The following RNF157 variants were observed in gnomAD, a reference collection of about 807,000 sequenced individuals.
RNF157 encodes the protein E3 ubiquitin ligase RNF157.
RNF157 carries 55 observed loss-of-function variants against 88.3 expected under a neutral mutation model. The ratio of observed to expected loss-of-function variants is 0.62; its 90% CI spans 0.50 to 0.78. RNF157 has a LOEUF of 0.78. Among genes scored for constraint, RNF157 ranks in the 30% least tolerant of loss-of-function variants. The probability of loss-of-function intolerance (pLI) is 0.00; values close to 1 mark genes in which losing one functional copy is unlikely to be tolerated. For synonymous variants in RNF157, 334 were observed against 341.2 expected (o/e 0.98, Z 0.23); for missense variants, 788 against 860.8 (o/e 0.92, Z 1.06).
intron 18 of RNF157, among the ~76,000 whole-genome samples, chr17:76,149,016 C>T (rs1043418070): frequency 6.6e-6 from 1 of 152,204 alleles, no homozygotes; most frequent in African/African-American, 2.4e-5. Flanking sequence ...TCTAGTCTTA[C>T]TACAACCTGT....
chr17:76,182,829 CTATATATGA>C (rs1568045582), intron 2 of RNF157, among the ~76,000 whole-genome samples: 8 of 107,266 alleles, frequency 7.5e-5, no homozygotes, highest in Admixed American at 2.8e-4. Context: ...CCTATATATC[CTATATATGA>C]TATATAGGAT....
chr17:76,180,776 A>G (rs934988915), intron 2 of RNF157, among the ~76,000 whole-genome samples: 1 of 152,108 alleles, frequency 6.6e-6, no homozygotes, highest in Non-Finnish European at 1.5e-5. Flanking sequence ...TACTATCTCA[A>G]TCATATTCAA....
intron 16 of RNF157, 161 bp from the exon 17 acceptor site, chr17:76,154,489 G>A (rs1308461921): frequency 4.7e-6 from 3 of 636,442 alleles, no homozygotes; most frequent in Non-Finnish European, 8.5e-6. Flanking sequence ...GCTGAGTAGA[G>A]GCAGATCTTG....
chr17:76,210,283 G>T (rs2069760046), intron 2 of RNF157, among the ~76,000 whole-genome samples: 4 of 151,926 alleles, frequency 2.6e-5, no homozygotes, highest in Admixed American at 2.0e-4. Context: ...TTAGCAGAGG[G>T]GTCACTCCAG....
intron 6 of RNF157, among the ~76,000 whole-genome samples, chr17:76,165,846 T>A (rs962216885): frequency 7.9e-5 from 12 of 151,778 alleles, no homozygotes; most frequent in Non-Finnish European, 1.3e-4. Context: ...CCGGTTACTT[T>A]TCTGTATTTT....
At position 76,162,600 on chromosome 17, in the gene RNF157, A is replaced by T; in HGVS notation, c.744T>A (p.Leu248=). The change falls in exon 9 of 19, where the codon CTT becomes CTA. Residue 248 remains leucine, a synonymous_variant. Coordinates refer to ENST00000269391, the MANE Select transcript of RNF157 (RefSeq NM_052916.3). ...TGTTTTCAATTCCATAGATCTCCTGAAGGAGGTAGCTGACCCCGTCTACCT... is the reference window on the plus strand; with the variant it reads ...TGTTTTCAATTCCATAGATCTCCTGTAGGAGGTAGCTGACCCCGTCTACCT... ...KQVVDGVSYL[L]QEIYGIENKY... 1 of 1,612,912 alleles carries T rather than the reference A, an allele frequency of 6.2e-7. No individual in the cohort carries two copies. Among genetic ancestry groups the T allele is most frequent in the Non-Finnish European group, 8.5e-7 (1 of 1,179,610 alleles).
At chr17:76,228,082 GT>G (rs1000857010) in intron 1 of RNF157, among the ~76,000 whole-genome samples, 21 of 151,882 alleles carry the variant, frequency 1.4e-4, no homozygotes, top group African/African-American at 4.1e-4. Context: ...ACTTTGTGGG[GT>G]TTTTTTCTAA....
chr17:76,197,121 G>A (rs1031404894), intron 2 of RNF157, among the ~76,000 whole-genome samples: 1 of 152,190 alleles, frequency 6.6e-6, no homozygotes, highest in African/African-American at 2.4e-5. Context: ...CAGCCAGATG[G>A]CAATGAGGAC....
chr17:76,226,834 A>C (rs1468345610), intron 1 of RNF157: 4 of 1,481,470 alleles, frequency 2.7e-6, no homozygotes, highest in Non-Finnish European at 3.6e-6. Flanking sequence ...GAATCGAGTA[A>C]TGTGCTTAAT....
At position 76,161,706 on chromosome 17, in the gene RNF157, A is replaced by C; in HGVS notation, c.953-59T>G. The C allele has an allele frequency of 6.5e-7, 1 of 1,543,820 alleles. No individual in the cohort carries two copies. The highest frequency in any genetic ancestry group is 1.8e-5 in the Admixed American group (1 of 56,540). On this transcript the variant is annotated intron_variant, in intron 10 of 18. Coordinates refer to ENST00000269391, the MANE Select transcript of RNF157 (RefSeq NM_052916.3). This position sits in a 1 kb window ranked among gnomAD's most constrained non-coding sequence, Gnocchi z 4.6. ...TGATACAGGATTAAGAATGAACAAG[A>C]GCCCAGACAGAAACCATGATCCCTC... is the stretch of plus-strand genomic sequence containing the variant.
chr17:76,155,254 C>G lies in RNF157; in HGVS notation c.1762G>C (p.Glu588Gln), dbSNP rs1443780521. The G allele has an allele frequency of 6.2e-7, 1 of 1,614,132 alleles. No individual in the cohort carries two copies. The highest frequency in any genetic ancestry group is 2.2e-5 in the East Asian group (1 of 44,882). Reference protein sequence around the residue: ...AGLPAGEQDAEGNDVIEEEDG... With the variant: ...AGLPAGEQDAQGNDVIEEEDG... ...CCACTCCGTGCTGTTGGGGTTACCT[C>G]TGCATCCTGCTCTCCAGCTGGGAGG... The change falls in exon 16 of 19, where the codon GAG (glutamate) becomes CAG (glutamine). Residue 588 changes from glutamate (E) to glutamine (Q), a missense_variant and splice_region_variant. Coordinates refer to ENST00000269391, the MANE Select transcript of RNF157 (RefSeq NM_052916.3).
At chr17:76,172,262 T>TGAGATCGTG (rs1429812369) in intron 3 of RNF157, among the ~76,000 whole-genome samples, 2 of 152,068 alleles carry the variant, frequency 1.3e-5, no homozygotes, top group Non-Finnish European at 1.5e-5. Flanking sequence ...TGCAGTGAGC[T>TGAGATCGTG]GAGATCGTGC....
intron 1 of RNF157, among the ~76,000 whole-genome samples, chr17:76,238,950 G>T (rs1012492936): frequency 6.6e-6 from 1 of 152,206 alleles, no homozygotes; most frequent in East Asian, 1.9e-4. Context: ...CACAGCTCTG[G>T]CAGACACTCT....
chr17:76,151,539 T>A (rs1368539466), intron 18 of RNF157, among the ~76,000 whole-genome samples: 1 of 152,208 alleles, frequency 6.6e-6, no homozygotes, highest in African/African-American at 2.4e-5. Context: ...TGAAGGACAA[T>A]TTCTGTCGTG....
intron 3 of RNF157, among the ~76,000 whole-genome samples, chr17:76,168,040 TAA>T (rs1362483985): frequency 5.3e-5 from 8 of 152,202 alleles, no homozygotes; most frequent in African/African-American, 1.9e-4. Context: ...TTTATTTTAA[TAA>T]AAGTTATTAA....
Position 76,146,184 on chromosome 17 carries a change from T to C in RNF157, c.1922-831A>G, listed in dbSNP as rs1310862258. On this transcript the variant is annotated intron_variant, in intron 18 of 18. Coordinates refer to ENST00000269391, the MANE Select transcript of RNF157 (RefSeq NM_052916.3). The surrounding 1 kb of genome is among the most constrained non-coding windows in gnomAD (Gnocchi z 4.2). Reference sequence around the variant, plus strand: ...GGCCGTGTTGTGACTCCATCTGTAGTCACGCTAACCTGGGCTCCACTCCCA... The same window carrying C: ...GGCCGTGTTGTGACTCCATCTGTAGCCACGCTAACCTGGGCTCCACTCCCA... The C allele has an allele frequency of 5.0e-6, 1 of 199,432 alleles. No homozygotes were observed. The highest frequency in any genetic ancestry group is 9.0e-6 in the Non-Finnish European group (1 of 111,518). The allele number at this position is 199,432 out of a possible 1,614,324, so 12.4% of individuals were successfully genotyped here. A position where few individuals can be genotyped will look rare whatever the true frequency, so the allele number is the denominator to read the frequency against.
At chr17:76,203,839 C>A (rs1437524996) in intron 2 of RNF157, among the ~76,000 whole-genome samples, 1 of 149,946 alleles carries the variant, frequency 6.7e-6, no homozygotes, top group African/African-American at 2.5e-5. Flanking sequence ...ACGATCTCGG[C>A]TCACTGCAAA....
intron 2 of RNF157, among the ~76,000 whole-genome samples, chr17:76,209,313 C>T (rs954518730): frequency 2.6e-5 from 4 of 152,090 alleles, no homozygotes; most frequent in East Asian, 1.9e-4. Flanking sequence ...ATTCATAGGT[C>T]GGCATAGGCA....
intron 1 of RNF157, among the ~76,000 whole-genome samples, chr17:76,233,457 G>A (rs780951945): frequency 1.3e-5 from 2 of 151,890 alleles, no homozygotes; most frequent in African/African-American, 4.8e-5. Context: ...AGAACTCTTC[G>A]CCCAATCCAA....
Sources: allele counts gnomAD v4.1 joint callset (sites outside exome capture counted in the v4.1 genomes callset), GRCh38; gene constraint gnomAD v4.1.1; non-coding constraint Gnocchi (gnomAD v3.1); transcripts MANE v1.5; gene names NCBI Gene and HGNC (gene_info 2026-07-23, HGNC 2026-07-21).